LPGAT1: variants seen among roughly 807,000 people sequenced by gnomAD.
The protein encoded by LPGAT1 is acyl-CoA:lysophosphatidylglycerol acyltransferase 1.
LPGAT1 carries 11 observed loss-of-function variants against 47.5 expected under a neutral mutation model. The ratio of observed to expected loss-of-function variants is 0.23; its 90% CI spans 0.15 to 0.38. LPGAT1 has a LOEUF of 0.38. LPGAT1 is among the 10% of genes least tolerant of loss of function. The probability of loss-of-function intolerance (pLI) is 1.00; values close to 1 mark genes in which losing one functional copy is unlikely to be tolerated. For synonymous variants in LPGAT1, 138 were observed against 144.2 expected (o/e 0.96, Z 0.31); for missense variants, 293 against 439.0 (o/e 0.67, Z 2.97).
In LPGAT1 at chr1:211,749,651, T is replaced by C. The variant is rs1657092194; in HGVS notation, c.*248A>G. 3 of 409,828 alleles carry C rather than the reference T, an allele frequency of 7.3e-6. No individual in the cohort carries two copies. The highest frequency in any genetic ancestry group is 1.3e-5 in the Non-Finnish European group (3 of 229,860). The allele number at this position is 409,828 out of a possible 1,614,324, so 25.4% of individuals were successfully genotyped here. A position where few individuals can be genotyped will look rare whatever the true frequency, so the allele number is the denominator to read the frequency against. On this transcript the variant is annotated 3_prime_UTR_variant, in exon 8 of 8. Transcript: ENST00000366997. Reference sequence around the variant, plus strand: ...ATTTCCTCTTCTCCAAATGTGATGTTTGCTTAAATATGTGATAGAGTGTAT... The same window carrying C: ...ATTTCCTCTTCTCCAAATGTGATGTCTGCTTAAATATGTGATAGAGTGTAT...
chr1:211,757,758 G>A (rs1254765112), intron 6 of LPGAT1, among the ~76,000 whole-genome samples: 1 of 152,196 alleles, frequency 6.6e-6, no homozygotes, highest in East Asian at 1.9e-4. Flanking sequence ...AAGAGTCTCT[G>A]CCTAATTAAA....
chr1:211,789,581 A>T (rs1350724132), intron 3 of LPGAT1, among the ~76,000 whole-genome samples: 3 of 152,172 alleles, frequency 2.0e-5, no homozygotes, highest in African/African-American at 7.2e-5. Flanking sequence ...ATTCACAGAC[A>T]CTTATTATAA....
chr1:211,798,536 T>C (rs568901424), intron 2 of LPGAT1, among the ~76,000 whole-genome samples: 19 of 152,070 alleles, frequency 1.2e-4, no homozygotes, highest in African/African-American at 4.6e-4. Context: ...AATTTAAAAT[T>C]AGCTGGGTGT....
intron 2 of LPGAT1, among the ~76,000 whole-genome samples, chr1:211,798,670 T>C (rs1421082053): frequency 6.6e-6 from 1 of 152,098 alleles, no homozygotes; most frequent in Non-Finnish European, 1.5e-5. Flanking sequence ...TTGACATATA[T>C]AGACACTCTC....
intron 2 of LPGAT1, among the ~76,000 whole-genome samples, chr1:211,818,114 C>T (rs753471364): frequency 2.3e-4 from 35 of 152,236 alleles, no homozygotes; most frequent in African/African-American, 8.2e-4. Flanking sequence ...GGATTACACG[C>T]GTGAACCACC....
chr1:211,794,242 T>C (rs950887849), intron 2 of LPGAT1, among the ~76,000 whole-genome samples: 19 of 152,216 alleles, frequency 1.2e-4, no homozygotes, highest in Admixed American at 5.9e-4. Flanking sequence ...AATCTATACG[T>C]ACATTCTAAG....
intron 4 of LPGAT1, among the ~76,000 whole-genome samples, chr1:211,787,174 G>C (rs541204983): frequency 9.9e-5 from 15 of 152,198 alleles, no homozygotes; most frequent in African/African-American, 2.9e-4. Context: ...TAAATGGTTA[G>C]GGAACAAAGA....
At chr1:211,807,636 T>C (rs554596956) in intron 2 of LPGAT1, among the ~76,000 whole-genome samples, 6 of 152,236 alleles carry the variant, frequency 3.9e-5, no homozygotes, top group African/African-American at 1.4e-4. Context: ...GACAAAGATG[T>C]AAAGTCACCT....
chr1:211,763,961 C>A (rs2102506396), intron 6 of LPGAT1, among the ~76,000 whole-genome samples: 1 of 152,280 alleles, frequency 6.6e-6, no homozygotes, highest in Non-Finnish European at 1.5e-5. Context: ...CACCTGAGGT[C>A]AGGAGTTTGA....
chr1:211,797,422 T>C (rs1012333678), intron 2 of LPGAT1, among the ~76,000 whole-genome samples: 8 of 151,118 alleles, frequency 5.3e-5, no homozygotes, highest in African/African-American at 1.7e-4. Flanking sequence ...CCAGTTTGGA[T>C]CAACTTTTTG....
At position 211,744,920 on chromosome 1, in the gene LPGAT1, G is replaced by A. The variant is rs192319307; in HGVS notation, c.*4979C>T. On this transcript the variant is annotated 3_prime_UTR_variant, in exon 8 of 8. Transcript: ENST00000366997. Reference sequence around the variant, plus strand: ...TAAGTACTTGCCTGCAGATATTAATGCCCAAATAGCTCTGGTAAAACACAC... The same window carrying A: ...TAAGTACTTGCCTGCAGATATTAATACCCAAATAGCTCTGGTAAAACACAC... 3 of 152,648 alleles carry A rather than the reference G, an allele frequency of 2.0e-5. No homozygotes were observed. Among genetic ancestry groups the A allele is most frequent in the Admixed American group, 2.0e-4 (3 of 15,280 alleles). 9.5% of individuals were successfully genotyped at this position (152,648 alleles called of 1,614,324 possible).
At position 211,829,131 on chromosome 1, in the gene LPGAT1, A is replaced by G; in HGVS notation, c.166T>C (p.Tyr56His). Residue 56 changes from tyrosine (Y) to histidine (H), a missense_variant, in exon 2 of 8, where the codon TAT becomes CAT. Physicochemically the swap from Tyr to His is moderately conservative, Grantham distance 83. Transcript: ENST00000366997. Reference protein sequence around the residue: ...LRVLDSKRFWYIEGIMYKWLL... With the variant: ...LRVLDSKRFWHIEGIMYKWLL... ...CATTTATACATGATTCCTTCGATAT[A>G]CCAGAACCGCTTACTGTCCAGCACT... 6.2e-7 allele frequency: 1 copy of G among 1,614,156 alleles called. No individual in the cohort carries two copies.
intron 2 of LPGAT1, among the ~76,000 whole-genome samples, chr1:211,811,720 C>A (rs543823320): frequency 6.6e-6 from 1 of 151,948 alleles, no homozygotes; most frequent in African/African-American, 2.4e-5. Context: ...TCCTGCCACC[C>A]GCCACTGCAC....
chr1:211,830,090 C>T lies in LPGAT1; in HGVS notation c.-28+483G>A, dbSNP rs1660677693. 8 of 984,770 alleles carry T rather than the reference C, an allele frequency of 8.1e-6. No homozygotes were observed. Among genetic ancestry groups the T allele is most frequent in the Non-Finnish European group, 9.6e-6 (8 of 829,784 alleles). The allele number at this position is 984,770 out of a possible 1,614,324, so 61.0% of individuals were successfully genotyped here. ...GATGATGAAAGGGGCAGAGAAGAGGCGACCGCAGCGCGGGGAGCCGGTGGA... is the reference window on the plus strand; with the variant it reads ...GATGATGAAAGGGGCAGAGAAGAGGTGACCGCAGCGCGGGGAGCCGGTGGA... On this transcript the variant is annotated intron_variant, in intron 1 of 7. Coordinates refer to ENST00000366997, the MANE Select transcript of LPGAT1 (RefSeq NM_014873.3). This position sits in a 1 kb window ranked among gnomAD's most constrained non-coding sequence, Gnocchi z 5.9.
chr1:211,815,996 T>C (rs1247116916), intron 2 of LPGAT1, among the ~76,000 whole-genome samples: 2 of 148,924 alleles, frequency 1.3e-5, no homozygotes, highest in Non-Finnish European at 3.0e-5. Context: ...TTAGCCAGGA[T>C]AGTCGCAATC....
intron 2 of LPGAT1, among the ~76,000 whole-genome samples, chr1:211,808,191 C>T (rs566989669): frequency 4.0e-5 from 6 of 151,684 alleles, no homozygotes; most frequent in Non-Finnish European, 7.4e-5. Flanking sequence ...ACTAAAAATA[C>T]AAAATTAGCC....
intron 6 of LPGAT1, among the ~76,000 whole-genome samples, chr1:211,755,853 C>T (rs982032816): frequency 6.6e-6 from 1 of 152,154 alleles, no homozygotes; most frequent in Non-Finnish European, 1.5e-5. Context: ...TACTACATTG[C>T]TCTACAGCAG....
intron 6 of LPGAT1, among the ~76,000 whole-genome samples, chr1:211,771,654 C>T (rs994923725): frequency 2.6e-5 from 4 of 152,048 alleles, no homozygotes; most frequent in Non-Finnish European, 4.4e-5. Flanking sequence ...CAGGCGCTCA[C>T]CACCATACCA....
chr1:211,787,667 C>A lies in LPGAT1; in HGVS notation c.418G>T (p.Val140Phe). Residue 140 changes from valine to phenylalanine, a missense_variant, in exon 4 of 8, where the codon GTT (valine) becomes TTT (phenylalanine). Physicochemically the swap from Val to Phe is conservative, Grantham distance 50. Transcript: ENST00000366997. ...HIFKYTNFGI[V>F]SLVHGDFFIR... is the part of the protein sequence containing the mutation. ...AAGAAGTCTCCATGAACTAGAGAAACAATTCCAAAGTTTGTGTACTTAAAA... is the reference window on the plus strand; with the variant it reads ...AAGAAGTCTCCATGAACTAGAGAAAAAATTCCAAAGTTTGTGTACTTAAAA... 1 of 1,609,090 alleles carries A rather than the reference C, an allele frequency of 6.2e-7. No individual in the cohort carries two copies. Among genetic ancestry groups the A allele is most frequent in the Non-Finnish European group, 8.5e-7 (1 of 1,177,162 alleles).
Sources: gnomAD v4.1 joint callset for allele counts (sites outside exome capture counted in the v4.1 genomes callset) on GRCh38, gnomAD v4.1.1 for gene constraint, Gnocchi (gnomAD v3.1) non-coding constraint, MANE v1.5 for transcripts, NCBI Gene and HGNC (gene_info 2026-07-23, HGNC 2026-07-21) for gene names.